Variants in ST6GALNAC3 observed in about 807,000 individuals in gnomAD.
The protein encoded by ST6GALNAC3 is alpha-N-acetylgalactosaminide alpha-2,6-sialyltransferase 3.
A neutral mutation model predicts 32.7 loss-of-function variants in ST6GALNAC3; 25 were observed. The ratio of observed to expected loss-of-function variants is 0.76; its 90% CI spans 0.56 to 1.07. ST6GALNAC3 has a LOEUF of 1.07. ST6GALNAC3 is among the 50% of genes least tolerant of loss of function. The pLI, the probability that ST6GALNAC3 is intolerant of heterozygous loss-of-function variation, is 0.00. For synonymous variants in ST6GALNAC3, 129 were observed against 133.1 expected, an observed-to-expected ratio of 0.97 and a Z score of 0.21; for missense variants, 355 against 382.4, an observed-to-expected ratio of 0.93 and a Z score of 0.60.
intron 1 of ST6GALNAC3, among the ~76,000 whole-genome samples, chr1:76,194,501 C>T (rs1654086540): frequency 1.3e-5 from 2 of 150,772 alleles, no homozygotes; most frequent in Non-Finnish European, 3.0e-5. Context: ...ATAATAAACC[C>T]ATTACATGTT....
At chr1:76,114,864 A>T (rs1455078055) in intron 1 of ST6GALNAC3, among the ~76,000 whole-genome samples, 1 of 149,930 alleles carries the variant, frequency 6.7e-6, no homozygotes, top group East Asian at 2.0e-4. Context: ...GGTTGCAGTG[A>T]GCTGAGATTG....
chr1:76,219,319 T>G (rs940868200), intron 1 of ST6GALNAC3, among the ~76,000 whole-genome samples: 4 of 152,190 alleles, frequency 2.6e-5, no homozygotes, highest in African/African-American at 9.6e-5. Flanking sequence ...GCCCCTCACT[T>G]AAGTTTATAA....
At chr1:76,478,837 AC>A (rs920049308) in intron 3 of ST6GALNAC3, among the ~76,000 whole-genome samples, 21 of 133,458 alleles carry the variant, frequency 1.6e-4, no homozygotes, top group African/African-American at 5.8e-4. Flanking sequence ...ATCTTGGCTC[AC>A]TGTAAGCTCT....
chr1:76,627,123 T>G (rs900986468), intron 3 of ST6GALNAC3, among the ~76,000 whole-genome samples: 1 of 151,880 alleles, frequency 6.6e-6, no homozygotes, highest in Non-Finnish European at 1.5e-5. Context: ...ACAGGACTAA[T>G]TTGTGTCTTA....
At chr1:76,549,173 G>A (rs989787997) in intron 3 of ST6GALNAC3, among the ~76,000 whole-genome samples, 5 of 152,112 alleles carry the variant, frequency 3.3e-5, no homozygotes, top group African/African-American at 1.2e-4. Flanking sequence ...CCACCATTCA[G>A]CTCTATCAAA....
At chr1:76,230,704 T>C (rs1344347285) in intron 1 of ST6GALNAC3, among the ~76,000 whole-genome samples, 1 of 152,218 alleles carries the variant, frequency 6.6e-6, no homozygotes, top group Non-Finnish European at 1.5e-5. Flanking sequence ...TGTTAGTAAC[T>C]GATGCCTTTT....
intron 3 of ST6GALNAC3, among the ~76,000 whole-genome samples, chr1:76,434,043 T>C (rs988283800): frequency 4.6e-5 from 7 of 152,208 alleles, no homozygotes; most frequent in African/African-American, 1.7e-4. Flanking sequence ...AATGCTGTTA[T>C]TTGCTCACTC....
intron 3 of ST6GALNAC3, among the ~76,000 whole-genome samples, chr1:76,538,779 A>G (rs1241199652): frequency 5.3e-5 from 8 of 152,140 alleles, no homozygotes; most frequent in African/African-American, 1.7e-4. Context: ...CACTACAAAG[A>G]GAGTACAATA....
At position 76,614,718 on chromosome 1, in the gene ST6GALNAC3, C is replaced by CAAAAAAAA. The variant is rs55744575; in HGVS notation, c.624-12705_624-12698dup. On this transcript the variant is annotated intron_variant, in intron 3 of 4. Transcript: ENST00000328299. ...TGGGTGACAGAGCGAGACTCCATCT[C>CAAAAAAAA]AAAAAAAAAAAAAAAAAAAAAAAAA... is the stretch of plus-strand genomic sequence containing the variant. 9.9e-4 allele frequency among the ~76,000 whole-genome samples: 67 copies of CAAAAAAAA among 67,518 alleles called. 1 individual carries two copies. The highest frequency in any genetic ancestry group is 3.7e-3 in the African/African-American group (55 of 14,690). The allele number at this position is 67,518 out of a possible 152,430, so 44.3% of individuals were successfully genotyped here. A position where few individuals can be genotyped will look rare whatever the true frequency, so the allele number is the denominator to read the frequency against.
At chr1:76,588,493 A>G (rs1646997655) in intron 3 of ST6GALNAC3, among the ~76,000 whole-genome samples, 1 of 152,200 alleles carries the variant, frequency 6.6e-6, no homozygotes, top group African/African-American at 2.4e-5. Flanking sequence ...AATGCACTTG[A>G]TATTTGCCAT....
At chr1:76,359,705 G>C (rs1413785385) in intron 2 of ST6GALNAC3, among the ~76,000 whole-genome samples, 2 of 152,194 alleles carry the variant, frequency 1.3e-5, no homozygotes, top group Non-Finnish European at 2.9e-5. Flanking sequence ...CTGCAGTGTA[G>C]AGAATGTTTT....
chr1:76,271,864 A>G (rs1477601759), intron 1 of ST6GALNAC3, among the ~76,000 whole-genome samples: 1 of 152,192 alleles, frequency 6.6e-6, no homozygotes, highest in Non-Finnish European at 1.5e-5. Flanking sequence ...GATGTATTTC[A>G]AAAGCAGAGC....
intron 3 of ST6GALNAC3, among the ~76,000 whole-genome samples, chr1:76,461,946 G>A (rs1490455683): frequency 3.9e-5 from 6 of 152,058 alleles, no homozygotes; most frequent in Non-Finnish European, 8.8e-5. Context: ...AAGCAAGCTG[G>A]GCAGGGTCTT....
At chr1:76,378,633 G>A (rs976299757) in intron 2 of ST6GALNAC3, among the ~76,000 whole-genome samples, 2 of 151,166 alleles carry the variant, frequency 1.3e-5, no homozygotes, top group Non-Finnish European at 2.9e-5. Context: ...CTGCACTCCA[G>A]CCTGGGCAAG....
intron 2 of ST6GALNAC3, among the ~76,000 whole-genome samples, chr1:76,365,892 T>A (rs1361286364): frequency 6.6e-6 from 1 of 152,152 alleles, no homozygotes; most frequent in African/African-American, 2.4e-5. Context: ...ATCTTTCACT[T>A]TCACTCACTC....
intron 3 of ST6GALNAC3, among the ~76,000 whole-genome samples, chr1:76,598,955 A>G (rs1032670984): frequency 3.3e-5 from 5 of 152,220 alleles, no homozygotes; most frequent in South Asian, 2.1e-4. Flanking sequence ...ATGGAAAGAG[A>G]AAATAACGAT....
intron 1 of ST6GALNAC3, among the ~76,000 whole-genome samples, chr1:76,205,895 T>G (rs1258365141): frequency 2.0e-5 from 3 of 152,212 alleles, no homozygotes; most frequent in Admixed American, 6.5e-5. Flanking sequence ...TTTTCCATCT[T>G]GAAATGGAAT....
intron 3 of ST6GALNAC3, among the ~76,000 whole-genome samples, chr1:76,556,812 T>C (rs1247486773): frequency 1.3e-5 from 2 of 152,146 alleles, no homozygotes; most frequent in Non-Finnish European, 2.9e-5. Flanking sequence ...TTCTCTCACC[T>C]TGTGGGCTAT....
At chr1:76,341,025 C>T (rs965075037) in intron 2 of ST6GALNAC3, among the ~76,000 whole-genome samples, 4 of 151,018 alleles carry the variant, frequency 2.6e-5, no homozygotes, top group African/African-American at 4.9e-5. Context: ...TTCTTTAGGC[C>T]GTTTCTGCTT....
Sources: gnomAD v4.1 joint callset for allele counts (sites outside exome capture counted in the v4.1 genomes callset) on GRCh38, gnomAD v4.1.1 for gene constraint, MANE v1.5 for transcripts, NCBI Gene and HGNC (gene_info 2026-07-23, HGNC 2026-07-21) for gene names.